The following RAPGEF5 variants were observed in gnomAD, a reference collection of about 807,000 sequenced individuals.
RAPGEF5 encodes M-Ras-regulated GEF.
RAPGEF5 carries 65 observed loss-of-function variants against 125.2 expected under a neutral mutation model. The ratio of observed to expected loss-of-function variants is 0.52; its 90% CI spans 0.43 to 0.64. The LOEUF is 0.64. Among genes scored for constraint, RAPGEF5 ranks in the 30% least tolerant of loss-of-function variants. RAPGEF5 has a pLI of 0.00. For missense variants in RAPGEF5, 958 were observed against 1,048.1 expected (o/e 0.91, Z 1.19); for synonymous variants, 391 against 385.9 (o/e 1.01, Z -0.16).
intron 11 of RAPGEF5, among the ~76,000 whole-genome samples, chr7:22,169,881 A>AAAAAAAAAAAAAAAAG (rs1784295492): frequency 1.4e-5 from 2 of 147,670 alleles, no homozygotes; most frequent in South Asian, 2.2e-4. Context: ...AAAAAAAAAA[A>AAAAAAAAAAAAAAAAG]GCTGAATCTT....
In RAPGEF5 at chr7:22,157,867, T is replaced by C; in HGVS notation, c.1545A>G (p.Ser515=). The C allele has an allele frequency of 6.2e-7, 1 of 1,612,362 alleles. No homozygotes were observed. Among genetic ancestry groups the C allele is most frequent in the Non-Finnish European group, 8.5e-7 (1 of 1,178,466 alleles). ...MHRRHTVDEY[S]PQKKNKALFH... ...AGCATCTGCTTACCTTTTTTTGTGG[T>C]GAATATTCATCTACAGTGCTGAAAG... Residue 515 remains serine (S), a synonymous_variant, in exon 15 of 26, where the codon TCA becomes TCG. Coordinates refer to ENST00000665637, the MANE Select transcript of RAPGEF5 (RefSeq NM_012294.5).
intron 8 of RAPGEF5, among the ~76,000 whole-genome samples, chr7:22,224,205 T>G (rs890719876): frequency 3.3e-5 from 5 of 152,206 alleles, no homozygotes; most frequent in African/African-American, 1.2e-4. Flanking sequence ...GGCATATTTC[T>G]GTTTGTCAGG....
At chr7:22,279,205 A>ACC (rs1782621053) in intron 6 of RAPGEF5, among the ~76,000 whole-genome samples, 1 of 152,002 alleles carries the variant, frequency 6.6e-6, no homozygotes, top group South Asian at 2.1e-4. Context: ...AATTCTCAGA[A>ACC]CCCCACGTGT....
intron 11 of RAPGEF5, among the ~76,000 whole-genome samples, chr7:22,186,014 C>T (rs185147819): frequency 1.2e-4 from 19 of 152,118 alleles, no homozygotes; most frequent in Admixed American, 8.5e-4. Flanking sequence ...TTAGTAGAGG[C>T]GGGGTTTTAC....
chr7:22,312,339 G>A (rs1783491468), intron 3 of RAPGEF5, among the ~76,000 whole-genome samples: 1 of 152,022 alleles, frequency 6.6e-6, no homozygotes, highest in African/African-American at 2.4e-5. Context: ...CCCCCAAGTA[G>A]CTAGGATTAC....
At chr7:22,356,155 C>T (rs1394558615) in intron 1 of RAPGEF5, 4 of 985,220 alleles carry the variant, frequency 4.1e-6, no homozygotes, top group East Asian at 2.3e-4. Context: ...ATTAGATGCA[C>T]TTAGAACTCA....
chr7:22,351,915 G>A (rs919739500), intron 1 of RAPGEF5, among the ~76,000 whole-genome samples: 1 of 152,172 alleles, frequency 6.6e-6, no homozygotes, highest in Non-Finnish European at 1.5e-5. Flanking sequence ...AATCATCTGG[G>A]CAAAGAAAAA....
chr7:22,249,840 A>G (rs997541199), intron 7 of RAPGEF5, among the ~76,000 whole-genome samples: 1 of 152,340 alleles, frequency 6.6e-6, no homozygotes, highest in Admixed American at 6.5e-5. Flanking sequence ...ACTGAGGGCT[A>G]ACGGCTGGTT....
intron 1 of RAPGEF5, among the ~76,000 whole-genome samples, chr7:22,320,572 A>G (rs1164223781): frequency 1.3e-5 from 2 of 151,766 alleles, no homozygotes; most frequent in Non-Finnish European, 2.9e-5. Flanking sequence ...TTGAAAATGC[A>G]CCCCCCTCTT....
chr7:22,336,436 T>C (rs1275513947), intron 1 of RAPGEF5, among the ~76,000 whole-genome samples: 2 of 152,210 alleles, frequency 1.3e-5, no homozygotes, highest in South Asian at 2.1e-4. Context: ...AAACAGGCTA[T>C]ACCCTACTGG....
At chr7:22,201,305 T>C (rs1332397744) in intron 9 of RAPGEF5, among the ~76,000 whole-genome samples, 1 of 152,174 alleles carries the variant, frequency 6.6e-6, no homozygotes, top group Non-Finnish European at 1.5e-5. Flanking sequence ...ACTGGCTGCA[T>C]CCCATTCAGA....
At chr7:22,274,895 A>G (rs1782521492) in intron 6 of RAPGEF5, among the ~76,000 whole-genome samples, 1 of 152,190 alleles carries the variant, frequency 6.6e-6, no homozygotes, top group South Asian at 2.1e-4. Context: ...TTTCTCCATG[A>G]CACTATGACA....
At chr7:22,289,039 T>A (rs1171422956) in intron 6 of RAPGEF5, among the ~76,000 whole-genome samples, 1 of 152,252 alleles carries the variant, frequency 6.6e-6, no homozygotes, top group Non-Finnish European at 1.5e-5. Flanking sequence ...ATACACATCC[T>A]CCTAATTATC....
intron 7 of RAPGEF5, among the ~76,000 whole-genome samples, chr7:22,241,766 C>A (rs1786337609): frequency 6.6e-6 from 1 of 152,086 alleles, no homozygotes; most frequent in South Asian, 2.1e-4. Flanking sequence ...GTCAGACCCA[C>A]CTGCCACTGG....
At chr7:22,154,704 C>CACCGAGATCTA in intron 16 of RAPGEF5, 100 bp from the exon 17 acceptor site, 2 of 1,334,980 alleles carry the variant, frequency 1.5e-6, no homozygotes, top group South Asian at 1.4e-5. Context: ...CTAAATCAAC[C>CACCGAGATCTA]CACCTGGCTA....
At chr7:22,328,204 C>T (rs1783850553) in intron 1 of RAPGEF5, among the ~76,000 whole-genome samples, 1 of 152,226 alleles carries the variant, frequency 6.6e-6, no homozygotes, top group African/African-American at 2.4e-5. Context: ...ACCCAAGGTT[C>T]CTCCTGGTCA....
intron 1 of RAPGEF5, among the ~76,000 whole-genome samples, chr7:22,347,236 T>G (rs548712932): frequency 3.6e-4 from 55 of 152,294 alleles, no homozygotes; most frequent in Middle Eastern, 3.4e-3. Context: ...TCTTCTCACA[T>G]TTAGATCATT....
At chr7:22,140,889 A>G (rs1783236728) in intron 20 of RAPGEF5, among the ~76,000 whole-genome samples, 1 of 152,012 alleles carries the variant, frequency 6.6e-6, no homozygotes. Context: ...TTAGAAAACA[A>G]CCTCTCTGAG....
chr7:22,220,836 C>T (rs1228938556), intron 8 of RAPGEF5, among the ~76,000 whole-genome samples: 7 of 152,120 alleles, frequency 4.6e-5, no homozygotes, highest in Non-Finnish European at 1.0e-4. Flanking sequence ...CAAAGTTATA[C>T]TTGGCAGGAG....
Sources: allele counts gnomAD v4.1 joint callset (sites outside exome capture counted in the v4.1 genomes callset), GRCh38; gene constraint gnomAD v4.1.1; transcripts MANE v1.5; gene names NCBI Gene and HGNC (gene_info 2026-07-23, HGNC 2026-07-21).